SLC9A4: variants seen among roughly 807,000 people sequenced by gnomAD.
SLC9A4 encodes solute carrier family 9 member A4.
A neutral mutation model predicts 67.4 loss-of-function variants in SLC9A4; 63 were observed. The observed-to-expected ratio is 0.93, with a 90% CI of 0.76 to 1.15. The LOEUF (loss-of-function observed/expected upper bound fraction) is 1.15, where lower values mean the gene tolerates loss of function less well. Among genes scored for constraint, SLC9A4 ranks in the 50% most tolerant of loss-of-function variants. The pLI, the probability that SLC9A4 is intolerant of heterozygous loss-of-function variation, is 0.00. For missense variants in SLC9A4, 1,089 were observed against 987.7 expected (o/e 1.10, Z -1.38); for synonymous variants, 393 against 367.2 (o/e 1.07, Z -0.80).
At chr2:102,497,636 G>GA (rs1684838095) in intron 2 of SLC9A4, among the ~76,000 whole-genome samples, 1 of 152,180 alleles carries the variant, frequency 6.6e-6, no homozygotes, top group Non-Finnish European at 1.5e-5. Flanking sequence ...AATCTATTGT[G>GA]ACAATAATAA....
At chr2:102,486,374 A>G (rs1435954288) in intron 2 of SLC9A4, among the ~76,000 whole-genome samples, 1 of 152,210 alleles carries the variant, frequency 6.6e-6, no homozygotes, top group Admixed American at 6.5e-5. Context: ...CACCTGCATG[A>G]GTACGTCTGA....
intron 4 of SLC9A4, chr2:102,505,907 G>A (rs1685040864): frequency 6.0e-6 from 1 of 167,824 alleles, no homozygotes; most frequent in Non-Finnish European, 1.3e-5. Context: ...TAAACTGTGG[G>A]CATTTATTTA....
chr2:102,486,234 G>T (rs1215221337), intron 2 of SLC9A4, among the ~76,000 whole-genome samples: 1 of 152,194 alleles, frequency 6.6e-6, no homozygotes, highest in Non-Finnish European at 1.5e-5. Flanking sequence ...CCCTCTCTGG[G>T]CCTCAGTTTC....
Position 102,508,194 on chromosome 2 carries a change from A to AT in SLC9A4, c.1319dup (p.Leu440PhefsTer9). 2.5e-6 allele frequency: 4 copies of AT among 1,614,104 alleles called. No individual in the cohort carries two copies. Among genetic ancestry groups the AT allele is most frequent in the Non-Finnish European group, 3.4e-6 (4 of 1,180,000 alleles). ...GAGGAGCTGGAAGTTTTTCACTTGC[A>AT]TTTTTGCTTCCTCTGTCTCTTTTTC... On this transcript the variant is annotated frameshift_variant, in exon 5 of 12. Transcript: ENST00000295269. LOFTEE classifies it high-confidence loss of function.
intron 2 of SLC9A4, among the ~76,000 whole-genome samples, chr2:102,488,738 A>G (rs953811480): frequency 2.0e-5 from 3 of 152,018 alleles, no homozygotes; most frequent in Non-Finnish European, 4.4e-5. Context: ...TAGTAGAGAC[A>G]GGGTTTCACC....
At position 102,532,538 on chromosome 2, in the gene SLC9A4, T is replaced by C. The variant is rs1427594476; in HGVS notation, c.2247T>C (p.Pro749=). Residue 749 remains proline (P), a synonymous_variant, in exon 12 of 12, where the codon CCT becomes CCC. Coordinates refer to ENST00000295269, the MANE Select transcript of SLC9A4 (RefSeq NM_001011552.4). ...GVRRVALRPK[P]LFHAVDEEGE... ...GGAGGGTGGCCTTAAGACCCAAACC[T>C]CTGTTTCATGCAGTGGATGAGGAGG... 1.2e-6 allele frequency: 2 copies of C among 1,613,998 alleles called. No homozygotes were observed. Among genetic ancestry groups the C allele is most frequent in the Non-Finnish European group, 1.7e-6 (2 of 1,179,964 alleles).
rs201759960 is a variant in SLC9A4 at position 102,477,001 on chromosome 2, GC to G, written c.257-1837del. Among the ~76,000 whole-genome samples, 1,399 of 152,230 alleles carry G rather than the reference GC, an allele frequency of 9.2e-3. 14 individuals carry two copies. Among genetic ancestry groups the G allele is most frequent in the Middle Eastern group, 0.031 (9 of 294 alleles). ...TATACCCTGTTGTGTTAACTTTCTT[GC>G]TTATAGTGAATGGAGAAGTTCAAAG... On this transcript the variant is annotated intron_variant, in intron 1 of 11. Transcript: ENST00000295269.
chr2:102,520,721 C>G (rs1024021015), intron 9 of SLC9A4, among the ~76,000 whole-genome samples: 8 of 152,090 alleles, frequency 5.3e-5, no homozygotes, highest in Non-Finnish European at 8.8e-5. Flanking sequence ...GAAACTAAAA[C>G]AAAATCACCT....
intron 10 of SLC9A4, among the ~76,000 whole-genome samples, chr2:102,525,418 T>A (rs1042941347): frequency 2.6e-5 from 4 of 151,628 alleles, no homozygotes; most frequent in African/African-American, 2.4e-5. Flanking sequence ...TGGTGTGCTA[T>A]GAGTCCAGAC....
intron 2 of SLC9A4, among the ~76,000 whole-genome samples, chr2:102,487,416 A>G (rs1160907271): frequency 6.6e-6 from 1 of 152,160 alleles, no homozygotes; most frequent in African/African-American, 2.4e-5. Flanking sequence ...ACCTTCCACA[A>G]CAGACAACCC....
intron 11 of SLC9A4, among the ~76,000 whole-genome samples, chr2:102,528,450 G>A (rs115862412): frequency 0.014 from 2,180 of 151,350 alleles, 74 homozygotes; most frequent in African/African-American, 0.05. Flanking sequence ...ATCTTAAAAA[G>A]GGACAGGGTC....
chr2:102,492,658 GATGGGAGGGA>G lies in SLC9A4; in HGVS notation c.721-10789_721-10780del, dbSNP rs1228435976. 2.2e-4 allele frequency among the ~76,000 whole-genome samples: 34 copies of G among 152,342 alleles called. No homozygotes were observed. The East Asian group carries it at 6.4e-3, about 29-fold the overall frequency. On this transcript the variant is annotated intron_variant, in intron 2 of 11. Transcript: ENST00000295269. ...TTCCCTCCTAGGCCTCCAGCCATGTGATGGGAGGGACTGCTGTGAAGGTCTCTGATATGTC... is the reference window on the plus strand; with the variant it reads ...TTCCCTCCTAGGCCTCCAGCCATGTGCTGCTGTGAAGGTCTCTGATATGTC...
At chr2:102,474,087 G>C in intron 1 of SLC9A4, 72 bp downstream of exon 1, 1 of 1,527,048 alleles carries the variant, frequency 6.5e-7, no homozygotes, top group South Asian at 1.2e-5. Context: ...ATGCCTTATA[G>C]ATAACGGGCT....
intron 4 of SLC9A4, 133 bp from the exon 5 acceptor site, chr2:102,507,946 T>C (rs554874267): frequency 2.6e-6 from 2 of 782,512 alleles, no homozygotes; most frequent in South Asian, 3.3e-5. Context: ...CTACCTGGGA[T>C]AGACAATCAT....
In SLC9A4 at chr2:102,519,866, A is replaced by G; in HGVS notation, c.1729A>G (p.Arg577Gly). ...CTCCAATAATGATTCCAGGGCCCAG[A>G]GGATACAAGGAATCAAAAGACTTTC... ...TAFSIPHQAQ[R>G]IQGIKRLSPE... Residue 577 changes from arginine (R) to glycine (G), a missense_variant, in exon 9 of 12, where the codon AGG (arginine) becomes GGG (glycine). Transcript: ENST00000295269. The G allele has an allele frequency of 6.2e-7, 1 of 1,613,620 alleles. No homozygotes were observed. Among genetic ancestry groups the G allele is most frequent in the Non-Finnish European group, 8.5e-7 (1 of 1,179,640 alleles).
intron 9 of SLC9A4, among the ~76,000 whole-genome samples, chr2:102,524,556 T>TTGTGTGTGTGTTTGTG (rs1674617358): frequency 6.9e-6 from 1 of 145,416 alleles, no homozygotes; most frequent in African/African-American, 2.5e-5. Context: ...GTGATAGGAA[T>TTGTGTGTGTGTTTGTG]TGTGTGTGTG....
At chr2:102,513,718 A>G (rs1407970929) in intron 7 of SLC9A4, among the ~76,000 whole-genome samples, 2 of 152,192 alleles carry the variant, frequency 1.3e-5, no homozygotes, top group Non-Finnish European at 2.9e-5. Context: ...GCGCTATTAG[A>G]ATGGAACACT....
chr2:102,525,217 C>A, intron 10 of SLC9A4, 62 bp downstream of exon 10: 1 of 1,604,716 alleles, frequency 6.2e-7, no homozygotes, highest in Non-Finnish European at 8.5e-7. Flanking sequence ...ATCTGCTGAG[C>A]CTGTTCCTGT....
intron 8 of SLC9A4, among the ~76,000 whole-genome samples, chr2:102,516,904 C>T (rs1339990377): frequency 2.0e-5 from 3 of 152,096 alleles, no homozygotes; most frequent in Non-Finnish European, 2.9e-5. Context: ...GCATAACAAA[C>T]GTAACAACCA....
Sources: allele counts gnomAD v4.1 joint callset (sites outside exome capture counted in the v4.1 genomes callset), GRCh38; gene constraint gnomAD v4.1.1; transcripts MANE v1.5; gene names NCBI Gene and HGNC (gene_info 2026-07-23, HGNC 2026-07-21).